ZC3H12B: variants seen among roughly 807,000 people sequenced by gnomAD.
The protein encoded by ZC3H12B is zinc finger CCCH-type containing 12B.
In ZC3H12B, 7 loss-of-function variants were observed where a neutral mutation model predicts 43.9. That is an observed-to-expected ratio of 0.16 (90% CI 0.09 to 0.30). ZC3H12B has a LOEUF of 0.30. Ranked by LOEUF, ZC3H12B falls within the 10% of genes least tolerant of loss-of-function variation. The pLI is 1.00. For missense variants in ZC3H12B, 475 were observed against 670.2 expected, an observed-to-expected ratio of 0.71 and a Z score of 3.22; for synonymous variants, 222 against 241.7, an observed-to-expected ratio of 0.92 and a Z score of 0.76.
chrX:65,107,888 A>G, the ZC3H12B span, among the ~76,000 whole-genome samples: 1 of 111,331 alleles, frequency 9.0e-6, no homozygotes, highest in East Asian at 2.8e-4. Flanking sequence ...ATGGACTAAT[A>G]CAAGTCTATT....
chrX:65,153,654 T>C, the ZC3H12B span, among the ~76,000 whole-genome samples: 6 of 112,244 alleles, frequency 5.3e-5, no homozygotes, highest in Admixed American at 1.9e-4. Flanking sequence ...AGTTCAACCA[T>C]TGTGGAAGTC....
At chrX:65,249,605 T>C in the ZC3H12B span, among the ~76,000 whole-genome samples, 7 of 111,427 alleles carry the variant, frequency 6.3e-5, no homozygotes, top group African/African-American at 2.3e-4. Context: ...GACGGTGATA[T>C]TTTGATGGGA....
At chrX:65,503,439 C>T in exon 5 of ZC3H12B, 1 of 328,068 alleles carries the variant, frequency 3.0e-6, no homozygotes, top group Non-Finnish European at 5.2e-6. Context: ...ACACTGCTAG[C>T]AAATGACTAA....
At chrX:65,103,084 C>G in the ZC3H12B span, among the ~76,000 whole-genome samples, 1 of 111,233 alleles carries the variant, frequency 9.0e-6, no homozygotes, top group Middle Eastern at 4.2e-3. Flanking sequence ...GAAAACTGGT[C>G]TGACTGAAAT....
chrX:65,372,972 T>A (rs1437737247), intron 2 of ZC3H12B, among the ~76,000 whole-genome samples: 1 of 112,394 alleles, frequency 8.9e-6, no homozygotes, highest in Non-Finnish European at 1.9e-5. Flanking sequence ...GAATTCAAGC[T>A]GGACATTAAT....
At chrX:65,124,011 G>A in the ZC3H12B span, among the ~76,000 whole-genome samples, 3 of 110,757 alleles carry the variant, frequency 2.7e-5, no homozygotes, top group Non-Finnish European at 3.8e-5. Context: ...TCTCTGGCTA[G>A]ACTTCCAGTA....
At chrX:65,098,896 C>T in the ZC3H12B span, among the ~76,000 whole-genome samples, 15 of 110,560 alleles carry the variant, frequency 1.4e-4, no homozygotes, top group South Asian at 1.6e-3. Flanking sequence ...TTCACTCCTC[C>T]GAAAAGGGGG....
At chrX:65,449,816 C>A (rs762490843) in intron 3 of ZC3H12B, among the ~76,000 whole-genome samples, 1 of 110,263 alleles carries the variant, frequency 9.1e-6, no homozygotes, top group East Asian at 2.8e-4. Flanking sequence ...TACACAAAGG[C>A]ATATGGAGTG....
chrX:65,329,870 A>C, the ZC3H12B span, among the ~76,000 whole-genome samples: 2 of 110,761 alleles, frequency 1.8e-5, no homozygotes, highest in African/African-American at 6.6e-5. Context: ...GATATGTGGC[A>C]TTATTTCTGA....
At chrX:65,378,622 A>C (rs1201231660) in intron 2 of ZC3H12B, among the ~76,000 whole-genome samples, 2 of 112,511 alleles carry the variant, frequency 1.8e-5, no homozygotes, top group African/African-American at 3.2e-5. Context: ...ATGGCCGAAT[A>C]GGAACAGCTC....
At chrX:65,425,838 T>C (rs1465427110) in intron 3 of ZC3H12B, among the ~76,000 whole-genome samples, 1 of 111,723 alleles carries the variant, frequency 9.0e-6, no homozygotes, top group African/African-American at 3.2e-5. Flanking sequence ...ATAAGCTTTT[T>C]GATATGCTAC....
intron 2 of ZC3H12B, among the ~76,000 whole-genome samples, chrX:65,382,125 C>G (rs1391748912): frequency 1.8e-5 from 2 of 111,307 alleles, no homozygotes; most frequent in Admixed American, 1.9e-4. Context: ...ATCCTGATAC[C>G]AAAGCCGGGC....
At chrX:65,321,024 A>G in the ZC3H12B span, among the ~76,000 whole-genome samples, 837 of 112,381 alleles carry the variant, frequency 7.4e-3, 4 homozygotes, top group Middle Eastern at 0.023. Flanking sequence ...AAGCAGTCAC[A>G]ACAAAAGCAA....
intron 3 of ZC3H12B, among the ~76,000 whole-genome samples, chrX:65,424,024 T>C (rs750181385): frequency 8.9e-6 from 1 of 112,126 alleles, no homozygotes; most frequent in African/African-American, 3.2e-5. Flanking sequence ...TCTATTGAGA[T>C]AATCATGTGG....
At chrX:65,155,695 A>T in the ZC3H12B span, among the ~76,000 whole-genome samples, 2 of 110,472 alleles carry the variant, frequency 1.8e-5, no homozygotes, top group Non-Finnish European at 3.8e-5. Flanking sequence ...CTGTACAGAA[A>T]ATAAAAATAA....
the ZC3H12B span, among the ~76,000 whole-genome samples, chrX:65,270,063 T>C: frequency 9.1e-6 from 1 of 110,012 alleles, no homozygotes; most frequent in Non-Finnish European, 1.9e-5. Context: ...TAAAAATCCC[T>C]GAATAACCAA....
At chrX:65,116,913 T>A in the ZC3H12B span, among the ~76,000 whole-genome samples, 12 of 112,379 alleles carry the variant, frequency 1.1e-4, 1 homozygote, top group Non-Finnish European at 1.7e-4. Flanking sequence ...GACTGCATAG[T>A]ATTCCATGGT....
At chrX:65,177,039 G>A in the ZC3H12B span, among the ~76,000 whole-genome samples, 2 of 112,017 alleles carry the variant, frequency 1.8e-5, no homozygotes, top group Admixed American at 1.9e-4. Flanking sequence ...ATAAAATACA[G>A]GCAAACCAAA....
At chrX:65,380,432 C>T (rs984506834) in intron 2 of ZC3H12B, among the ~76,000 whole-genome samples, 4 of 110,998 alleles carry the variant, frequency 3.6e-5, no homozygotes, top group South Asian at 3.9e-4. Context: ...CCACCAGGCC[C>T]GCCCTAAAAG....
Sources: allele counts gnomAD v4.1 joint callset (sites outside exome capture counted in the v4.1 genomes callset), GRCh38; gene constraint gnomAD v4.1.1; transcripts MANE v1.5; gene names NCBI Gene and HGNC (gene_info 2026-07-23, HGNC 2026-07-21).